The following KSR2 variants were observed in gnomAD, a reference collection of about 807,000 sequenced individuals.
KSR2 encodes kinase suppressor of ras 2.
A neutral mutation model predicts 107.8 loss-of-function variants in KSR2; 25 were observed. That is an observed-to-expected ratio of 0.23 (90% CI 0.17 to 0.32). The LOEUF is 0.32. Among genes scored for constraint, KSR2 ranks in the 10% least tolerant of loss-of-function variants. The pLI, the probability that KSR2 is intolerant of heterozygous loss-of-function variation, is 1.00. For missense variants in KSR2, 887 were observed against 1,268.9 expected, an observed-to-expected ratio of 0.70 and a Z score of 4.57; for synonymous variants, 480 against 507.0, an observed-to-expected ratio of 0.95 and a Z score of 0.71.
chr12:117,472,804 C>G (rs574147149), intron 17 of KSR2, among the ~76,000 whole-genome samples: 84 of 152,178 alleles, frequency 5.5e-4, no homozygotes, highest in Non-Finnish European at 1.0e-3. Flanking sequence ...GCACTAGGCA[C>G]TATTCTAAGT....
intron 5 of KSR2, among the ~76,000 whole-genome samples, chr12:117,583,931 C>T (rs11068553): frequency 0.036 from 5,473 of 152,254 alleles, 228 homozygotes; most frequent in South Asian, 0.14. Flanking sequence ...TATGGAGTGG[C>T]ACTCTCTTCG....
At chr12:117,593,955 C>G (rs990820498) in intron 5 of KSR2, among the ~76,000 whole-genome samples, 8 of 152,244 alleles carry the variant, frequency 5.3e-5, no homozygotes, top group Non-Finnish European at 7.3e-5. Context: ...TCATCCTGTT[C>G]TCAGAGCGTG....
chr12:117,525,781 C>G (rs146988129), intron 13 of KSR2, among the ~76,000 whole-genome samples: 1 of 152,340 alleles, frequency 6.6e-6, no homozygotes, highest in Non-Finnish European at 1.5e-5. Context: ...TTTGCTTCCC[C>G]CAGGGAATTT....
At position 117,531,554 on chromosome 12, in the gene KSR2, C is replaced by A; in HGVS notation, c.1729+112G>T. The A allele has an allele frequency of 4.6e-6, 4 of 872,774 alleles. No homozygotes were observed. In the South Asian group the frequency reaches 6.0e-5, roughly 13 times the overall value. The allele number at this position is 872,774 out of a possible 1,614,324, so 54.1% of individuals were successfully genotyped here. A position where few individuals can be genotyped will look rare whatever the true frequency, so the allele number is the denominator to read the frequency against. ...TCCTGGAGTGTGGTGACTCCACTAC[C>A]CTCTTTGATCTTAGGCACCCCCACA... On this transcript the variant is annotated intron_variant, in intron 11 of 19. Coordinates refer to ENST00000339824, the MANE Select transcript of KSR2 (RefSeq NM_173598.6).
intron 4 of KSR2, among the ~76,000 whole-genome samples, chr12:117,728,203 T>C (rs1451271614): frequency 6.6e-6 from 1 of 152,220 alleles, no homozygotes; most frequent in East Asian, 1.9e-4. Flanking sequence ...ATATAATTTA[T>C]ACCTCAGCTT....
At chr12:117,914,075 C>G (rs2137436761) in intron 1 of KSR2, among the ~76,000 whole-genome samples, 1 of 152,272 alleles carries the variant, frequency 6.6e-6, no homozygotes, top group South Asian at 2.1e-4. Flanking sequence ...TATCCAGTTT[C>G]CCGTCTGAAA....
intron 1 of KSR2, among the ~76,000 whole-genome samples, chr12:117,945,189 G>T (rs564050095): frequency 1.8e-4 from 27 of 152,154 alleles, no homozygotes; most frequent in African/African-American, 3.9e-4. Context: ...AGGATATCAA[G>T]GATCTAAACA....
chr12:117,506,119 A>G (rs1345708913), intron 14 of KSR2, among the ~76,000 whole-genome samples: 6 of 152,226 alleles, frequency 3.9e-5, no homozygotes, highest in African/African-American at 4.8e-5. Context: ...TAACAAAGTT[A>G]TTTCTGAACA....
At chr12:117,681,082 T>A (rs182854282) in intron 4 of KSR2, among the ~76,000 whole-genome samples, 1 of 152,064 alleles carries the variant, frequency 6.6e-6, no homozygotes, top group East Asian at 1.9e-4. Context: ...CCAGCCTGGG[T>A]AAGATGATGA....
intron 1 of KSR2, among the ~76,000 whole-genome samples, chr12:117,939,165 T>G (rs2137527426): frequency 6.6e-6 from 1 of 152,338 alleles, no homozygotes; most frequent in South Asian, 2.1e-4. Context: ...ATTTTGTTGT[T>G]TCAGGAAATA....
At chr12:117,580,299 T>C (rs552858391) in intron 6 of KSR2, among the ~76,000 whole-genome samples, 2 of 152,310 alleles carry the variant, frequency 1.3e-5, no homozygotes, top group South Asian at 2.1e-4. Flanking sequence ...GGTTTTGGAT[T>C]TGTGAGTTGG....
chr12:117,457,083 T>G lies in KSR2; in HGVS notation c.*10116A>C, dbSNP rs1387595295. 1 of 152,234 alleles carries G rather than the reference T, an allele frequency of 6.6e-6. No individual in the cohort carries two copies. The highest frequency in any genetic ancestry group is 1.5e-5 in the Non-Finnish European group (1 of 68,050). The allele number at this position is 152,234 out of a possible 1,614,324, so 9.4% of individuals were successfully genotyped here. ...GAGGATCTGCTTCTTAGAAGGGCTGTGGAAGGATGGAGAGAATGACTGGAG... is the reference window on the plus strand; with the variant it reads ...GAGGATCTGCTTCTTAGAAGGGCTGGGGAAGGATGGAGAGAATGACTGGAG... On this transcript the variant is annotated 3_prime_UTR_variant, in exon 20 of 20. Coordinates refer to ENST00000339824, the MANE Select transcript of KSR2 (RefSeq NM_173598.6).
chr12:117,522,845 C>T (rs566028880), intron 14 of KSR2, among the ~76,000 whole-genome samples: 11 of 152,264 alleles, frequency 7.2e-5, no homozygotes, highest in Non-Finnish European at 1.6e-4. Flanking sequence ...CCAGAGCTGA[C>T]CACAGCCAAC....
chr12:117,610,692 T>C (rs1881542871), intron 5 of KSR2, among the ~76,000 whole-genome samples: 1 of 149,980 alleles, frequency 6.7e-6, no homozygotes. Context: ...TGAGCCATGA[T>C]TGCACCACTG....
At chr12:117,777,629 T>C (rs1044142321) in intron 3 of KSR2, among the ~76,000 whole-genome samples, 8 of 152,222 alleles carry the variant, frequency 5.3e-5, no homozygotes, top group African/African-American at 1.9e-4. Context: ...TCGACTGTTG[T>C]TATCCGTTTA....
intron 4 of KSR2, among the ~76,000 whole-genome samples, chr12:117,723,472 G>C (rs954259011): frequency 1.3e-5 from 2 of 152,040 alleles, no homozygotes; most frequent in African/African-American, 4.8e-5. Flanking sequence ...CTGAGGCTCA[G>C]AAAATGAATG....
In KSR2 at chr12:117,848,834, A is replaced by AGTG. The variant is rs71099082; in HGVS notation, c.472+6591_472+6593dup. Among the ~76,000 whole-genome samples, 277 of 133,834 alleles carry AGTG rather than the reference A, an allele frequency of 2.1e-3. 7 individuals are homozygous for AGTG. In the East Asian group the frequency reaches 0.049, roughly 24 times the overall value. The allele number at this position is 133,834 out of a possible 152,430, so 87.8% of individuals were successfully genotyped here. Reference sequence around the variant, plus strand: ...GATGGTGGTGGGTGGTGATGGTGGTAGTGGTGGTGATGGTGATGATGGTGA... The same window carrying AGTG: ...GATGGTGGTGGGTGGTGATGGTGGTAGTGGTGGTGGTGATGGTGATGATGGTGA... On this transcript the variant is annotated intron_variant, in intron 3 of 19. Transcript: ENST00000339824.
chr12:117,651,866 C>G (rs1883919564), intron 5 of KSR2, among the ~76,000 whole-genome samples: 1 of 152,166 alleles, frequency 6.6e-6, no homozygotes, highest in South Asian at 2.1e-4. Flanking sequence ...CTCTGTATGT[C>G]AGATCTAATG....
chr12:117,705,494 G>T, intron 4 of KSR2, among the ~76,000 whole-genome samples: 1 of 152,146 alleles, frequency 6.6e-6, no homozygotes, highest in East Asian at 1.9e-4. Context: ...GCCCCCAAGG[G>T]ACACCTAGCA....
Sources: allele counts gnomAD v4.1 joint callset (sites outside exome capture counted in the v4.1 genomes callset), GRCh38; gene constraint gnomAD v4.1.1; transcripts MANE v1.5; gene names NCBI Gene and HGNC (gene_info 2026-07-23, HGNC 2026-07-21).